Variants in HCN2 observed in about 807,000 individuals in gnomAD.
HCN2 encodes potassium/sodium hyperpolarization-activated cyclic nucleotide-gated channel 2.
HCN2 carries 20 observed loss-of-function variants against 52.3 expected under a neutral mutation model. The ratio of observed to expected loss-of-function variants is 0.38; its 90% CI spans 0.27 to 0.56. HCN2 has a LOEUF of 0.56. HCN2 is among the 20% of genes least tolerant of loss of function. The pLI, the probability that HCN2 is intolerant of heterozygous loss-of-function variation, is 0.71. For missense variants in HCN2, 981 were observed against 1,207.7 expected (o/e 0.81, Z 2.78); for synonymous variants, 694 against 537.0 (o/e 1.29, Z -4.04).
chr19:589,929 C>G lies in HCN2; in HGVS notation c.-17C>G. On this transcript the variant is annotated 5_prime_UTR_variant, in exon 1 of 8. Transcript: ENST00000251287. ...GCGGCGGCGGCTCCGCTCCGCACTG[C>G]CCGGCGCCGCCTCGCCATGGACGCG... 1 of 929,022 alleles carries G rather than the reference C, an allele frequency of 1.1e-6. No individual in the cohort carries two copies. The highest frequency in any genetic ancestry group is 1.3e-6 in the Non-Finnish European group (1 of 790,382). The allele number at this position is 929,022 out of a possible 1,614,324, so 57.5% of individuals were successfully genotyped here. A position where few individuals can be genotyped will look rare whatever the true frequency, so the allele number is the denominator to read the frequency against.
rs1431031071 is a variant in HCN2, at chr19:616,336, C to A, written c.2532C>A (p.Ser844=). The part of the protein sequence containing the change: ...PAASTRPASS[S]TPRLGPTPAA... ...CCTCCACACGCCCGGCCAGCAGCTC[C>A]ACACCGCGCTTGGGGCCCACGCCCG... The change falls in exon 8 of 8, where the codon TCC becomes TCA. Residue 844 remains serine (S), a synonymous_variant. Transcript: ENST00000251287. 5 of 1,203,876 alleles carry A rather than the reference C, an allele frequency of 4.2e-6. No individual in the cohort carries two copies. The highest frequency in any genetic ancestry group is 5.2e-6 in the Non-Finnish European group (5 of 956,990). The allele number at this position is 1,203,876 out of a possible 1,614,324, so 74.6% of individuals were successfully genotyped here. A position where few individuals can be genotyped will look rare whatever the true frequency, so the allele number is the denominator to read the frequency against.
chr19:590,497 C>A lies in HCN2; in HGVS notation c.552C>A (p.Gly184=). 6.6e-7 allele frequency: 1 copy of A among 1,523,974 alleles called. No individual in the cohort carries two copies. Among genetic ancestry groups the A allele is most frequent in the South Asian group, 1.2e-5 (1 of 83,226 alleles). The allele number at this position is 1,523,974 out of a possible 1,614,324, so 94.4% of individuals were successfully genotyped here. The part of the protein sequence containing the change: ...GVNKFSLRMF[G]SQKAVEREQE... ...ACAAGTTCTCGCTGCGGATGTTCGG[C>A]AGCCAGAAGGCCGTGGAGCGCGAGC... The change falls in exon 1 of 8, where the codon GGC becomes GGA. Residue 184 remains glycine (G), a synonymous_variant. Transcript: ENST00000251287. This position sits in a 1 kb window ranked among gnomAD's most constrained non-coding sequence, Gnocchi z 7.2.
Position 591,955 on chromosome 19 carries a change from C to CAA in HCN2, c.632+1379_632+1380insAA, listed in dbSNP as rs1982886798. 6.6e-6 allele frequency among the ~76,000 whole-genome samples: 1 copy of CAA among 152,174 alleles called. No individual in the cohort carries two copies. The highest frequency in any genetic ancestry group is 1.5e-5 in the Non-Finnish European group (1 of 68,014). On this transcript the variant is annotated intron_variant, in intron 1 of 7. Coordinates refer to ENST00000251287, the MANE Select transcript of HCN2 (RefSeq NM_001194.4). The surrounding 1 kb of genome is among the most constrained non-coding windows in gnomAD (Gnocchi z 4.1). ...CCTGAGAGGTGAATACAGCTTTGAC[C>CAA]AGAAGCCTGGATTTCGAGACAGGCC... is the stretch of plus-strand genomic sequence containing the variant.
chr19:610,971 A>C (rs892154230), intron 5 of HCN2, among the ~76,000 whole-genome samples: 6 of 152,064 alleles, frequency 3.9e-5, no homozygotes, highest in Non-Finnish European at 5.9e-5. Context: ...CTGGGGCTCC[A>C]GGCGCCCTTG....
At chr19:613,613 AT>A (rs1983750604) in intron 6 of HCN2, 125 bp downstream of exon 6, 3 of 44,426 alleles carry the variant, frequency 6.8e-5, no homozygotes, top group South Asian at 7.0e-4. Flanking sequence ...GGGGCCGGGG[AT>A]GGGGATGGGG....
chr19:608,272 G>T (rs1983490352), intron 4 of HCN2, 90 bp downstream of exon 4: 1 of 1,225,142 alleles, frequency 8.2e-7, no homozygotes, highest in Non-Finnish European at 1.2e-6. Context: ...AGGCCCTGGG[G>T]TCTGATGGAG....
chr19:598,830 G>C (rs888556568), intron 1 of HCN2, among the ~76,000 whole-genome samples: 1 of 152,160 alleles, frequency 6.6e-6, no homozygotes, highest in African/African-American at 2.4e-5. Flanking sequence ...GGATGGTCTC[G>C]ATCTCTTGAC....
rs761997991 is a variant in HCN2, at chr19:613,896, G to T, written c.1870G>T (p.Ala624Ser). Residue 624 changes from alanine to serine, a missense_variant, in exon 7 of 8, where the codon GCT becomes TCT. Ala to Ser is a moderately conservative substitution (Grantham distance 99, BLOSUM62 1). This residue lies in a region of HCN2 where 85 missense variants were observed against 106.1 expected (regional missense o/e 0.80). Coordinates refer to ENST00000251287, the MANE Select transcript of HCN2 (RefSeq NM_001194.4). ...GGGCCGCCGCACGGCGAGCGTGCGG[G>T]CTGACACCTACTGCCGCCTCTATTC... ...TRGRRTASVR[A>S]DTYCRLYSLS... The T allele has an allele frequency of 1.9e-6, 3 of 1,601,306 alleles. No homozygotes were observed. In the South Asian group the frequency reaches 3.3e-5, roughly 18 times the overall value.
At chr19:599,750 C>T (rs903944626) in intron 1 of HCN2, among the ~76,000 whole-genome samples, 23 of 151,924 alleles carry the variant, frequency 1.5e-4, no homozygotes, top group East Asian at 3.9e-4. Flanking sequence ...ATTGTGCCAT[C>T]GCACTCCAGC....
intron 3 of HCN2, among the ~76,000 whole-genome samples, chr19:606,820 C>T (rs1249994123): frequency 6.6e-6 from 1 of 150,984 alleles, no homozygotes. Flanking sequence ...CATTGCACTC[C>T]AGCCTGGGCA....
Position 613,504 on chromosome 19 carries a change from GCGCGCCTGGAGGGGGAGGGGGCA to G in HCN2, c.1825+21_1825+43del, listed in dbSNP as rs772080595. On this transcript the variant is annotated intron_variant, in intron 6 of 7. Transcript: ENST00000251287. ...TACTTCGGGGGTGAGCTTGAGGGGG[GCGCGCCTGGAGGGGGAGGGGGCA>G]CGCGACCCCCGCGGTGTGCAGAGCC... is the stretch of plus-strand genomic sequence containing the variant. 3.5e-5 allele frequency: 54 copies of G among 1,555,636 alleles called. 1 individual carries two copies. The highest frequency in any genetic ancestry group is 1.8e-4 in the South Asian group (16 of 89,940).
At position 617,018 on chromosome 19, in the gene HCN2, G is replaced by A; in HGVS notation, c.*544G>A. 2 of 506,510 alleles carry A rather than the reference G, an allele frequency of 3.9e-6. No individual in the cohort carries two copies. Among genetic ancestry groups the A allele is most frequent in the South Asian group, 4.1e-5 (2 of 48,952 alleles). 31.4% of individuals were successfully genotyped at this position (506,510 alleles called of 1,614,324 possible). A position where few individuals can be genotyped will look rare whatever the true frequency, so the allele number is the denominator to read the frequency against. On this transcript the variant is annotated 3_prime_UTR_variant, in exon 8 of 8. Coordinates refer to ENST00000251287, the MANE Select transcript of HCN2 (RefSeq NM_001194.4). ...ACCGAGAGGCAGGCCTGGCTGCGCAGGGCGCGGGGGGGAGGCTGGGGTCCC... is the reference window on the plus strand; with the variant it reads ...ACCGAGAGGCAGGCCTGGCTGCGCAAGGCGCGGGGGGGAGGCTGGGGTCCC...
Position 590,651 on chromosome 19 carries a change from C to A in HCN2, c.632+74C>A. On this transcript the variant is annotated intron_variant, in intron 1 of 7. Transcript: ENST00000251287. This position sits in a 1 kb window ranked among gnomAD's most constrained non-coding sequence, Gnocchi z 7.2. The stretch of plus-strand genomic sequence containing the variant: ...GGCGCGCGGGGAGCCGTCCTTGGAG[C>A]GCCTGGGGAGGGCGGGGCGGCGCGC... 1 of 1,167,848 alleles carries A rather than the reference C, an allele frequency of 8.6e-7. No homozygotes were observed. Among genetic ancestry groups the A allele is most frequent in the Non-Finnish European group, 1.1e-6 (1 of 923,026 alleles). 72.3% of individuals were successfully genotyped at this position (1,167,848 alleles called of 1,614,324 possible). A position where few individuals can be genotyped will look rare whatever the true frequency, so the allele number is the denominator to read the frequency against.
At chr19:602,573 C>G (rs888740084) in intron 1 of HCN2, among the ~76,000 whole-genome samples, 2 of 152,224 alleles carry the variant, frequency 1.3e-5, no homozygotes, top group African/African-American at 4.8e-5. Flanking sequence ...GGTTCATTTC[C>G]CACCCTGGCT....
At position 603,640 on chromosome 19, in the gene HCN2, G is replaced by A. The variant is rs922835097; in HGVS notation, c.729G>A (p.Pro243=). ...ITFFKDETTA[P]WIVFNVVSDT... ...TCTTCAAGGATGAGACCACTGCCCC[G>A]TGGATCGTGTTCAACGTGGTCTCGG... The change falls in exon 2 of 8, where the codon CCG becomes CCA. Residue 243 remains proline, a synonymous_variant. Transcript: ENST00000251287. The A allele has an allele frequency of 5.6e-6, 9 of 1,612,336 alleles. No homozygotes were observed. Among genetic ancestry groups the A allele is most frequent in the South Asian group, 5.5e-5 (5 of 91,050 alleles).
intron 1 of HCN2, among the ~76,000 whole-genome samples, chr19:601,165 G>C (rs1206357584): frequency 6.6e-6 from 1 of 152,146 alleles, no homozygotes; most frequent in Non-Finnish European, 1.5e-5. Flanking sequence ...ATACAAAAAT[G>C]AGCCAGGAGT....
At chr19:595,178 G>C (rs1022520023) in intron 1 of HCN2, among the ~76,000 whole-genome samples, 2 of 150,210 alleles carry the variant, frequency 1.3e-5, no homozygotes, top group African/African-American at 5.0e-5. Context: ...CTCCGGCCCG[G>C]GAAACAGAGT....
rs772788141 is a variant in HCN2 at position 615,835 on chromosome 19, C to T, written c.2031C>T (p.Asp677=). 39 of 1,612,672 alleles carry T rather than the reference C, an allele frequency of 2.4e-5. No individual in the cohort carries two copies. Among genetic ancestry groups the T allele is most frequent in the Non-Finnish European group, 3.1e-5 (36 of 1,179,812 alleles). Residue 677 remains aspartate (D), a synonymous_variant, in exon 8 of 8, where the codon GAC becomes GAT. Transcript: ENST00000251287. The part of the protein sequence containing the change: ...NSILLHKVQH[D]LNSGVFNNQE... ...TCCTCCTGCACAAGGTGCAGCATGA[C>T]CTCAACTCGGGCGTATTCAACAACC...
rs1258293482 is a variant in HCN2, at chr19:590,322, C to G, written c.377C>G (p.Ser126Trp). The change falls in exon 1 of 8, where the codon TCG becomes TGG. Residue 126 changes from serine to tryptophan, a missense_variant. Ser to Trp is a radical substitution (Grantham distance 177). Transcript: ENST00000251287. The surrounding 1 kb of genome is among the most constrained non-coding windows in gnomAD (Gnocchi z 7.2). ...GCGCGGGGGCCCAAGGTGTCGTTCTCGTGCCGCGGGGCGGCCTCGGGGCCC... is the reference window on the plus strand; with the variant it reads ...GCGCGGGGGCCCAAGGTGTCGTTCTGGTGCCGCGGGGCGGCCTCGGGGCCC... The part of the protein sequence containing the change: ...GPARGPKVSF[S>W]CRGAASGPAP... 1 of 1,021,750 alleles carries G rather than the reference C, an allele frequency of 9.8e-7. No homozygotes were observed. The highest frequency in any genetic ancestry group is 1.2e-6 in the Non-Finnish European group (1 of 856,368). 63.3% of individuals were successfully genotyped at this position (1,021,750 alleles called of 1,614,324 possible).
Sources: gnomAD v4.1 joint callset for allele counts (sites outside exome capture counted in the v4.1 genomes callset) on GRCh38, gnomAD v4.1.1 for gene constraint, gnomAD v4.1.1 regional missense constraint, Gnocchi (gnomAD v3.1) non-coding constraint, MANE v1.5 for transcripts, NCBI Gene and HGNC (gene_info 2026-07-23, HGNC 2026-07-21) for gene names.